ANO3: variants seen among roughly 807,000 people sequenced by gnomAD.
The protein encoded by ANO3 is anoctamin-3.
ANO3 carries 99 observed loss-of-function variants against 144.8 expected under a neutral mutation model. The observed-to-expected ratio is 0.68, with a 90% CI of 0.58 to 0.81. The LOEUF is 0.81. Ranked by LOEUF, ANO3 falls within the 30% of genes least tolerant of loss-of-function variation. ANO3 has a pLI of 0.00. For synonymous variants in ANO3, 414 were observed against 392.6 expected (o/e 1.05, Z -0.64); for missense variants, 905 against 1,202.2 (o/e 0.75, Z 3.66).
At chr11:26,331,914 G>A (rs929860682), upstream of ANO3, 5 of 309,562 alleles carry the variant, frequency 1.6e-5, no homozygotes, top group African/African-American at 6.5e-5. Context: ...GAGGGCATCA[G>A]TATCAGCTCT....
intron 6 of ANO3, 109 bp from the exon 7 acceptor site, chr11:26,525,526 A>G: frequency 1.3e-6 from 1 of 785,156 alleles, no homozygotes; most frequent in South Asian, 1.7e-5. Context: ...TTTCTTAAGC[A>G]TACGGAACTT....
In ANO3 at chr11:26,362,377, C is replaced by T. The variant is rs528054185; in HGVS notation, c.46+30056C>T. The stretch of plus-strand genomic sequence containing the variant: ...GAATTTTATGTAACTTAAGTAAGTT[C>T]GGATTGTTCTTTATGGACTCTAAAA... On this transcript the variant is annotated intron_variant, in intron 1 of 26. Transcript: ENST00000256737. Among the ~76,000 whole-genome samples, 6 of 152,192 alleles carry T rather than the reference C, an allele frequency of 3.9e-5. No individual in the cohort carries two copies. In the South Asian group the frequency reaches 6.2e-4, roughly 16 times the overall value.
chr11:26,235,769 C>T (rs1229720800), intron 1 of ANO3, among the ~76,000 whole-genome samples: 3 of 146,988 alleles, frequency 2.0e-5, no homozygotes, highest in African/African-American at 4.9e-5. Flanking sequence ...CATTTTGTGT[C>T]GTCCCCCCAC....
chr11:26,543,598 T>C (rs954982989), intron 11 of ANO3, among the ~76,000 whole-genome samples: 3 of 152,080 alleles, frequency 2.0e-5, no homozygotes, highest in Non-Finnish European at 4.4e-5. Flanking sequence ...CCTGATGCTA[T>C]CCCTCCTCCC....
At chr11:26,502,593 G>A (rs570646198) in intron 4 of ANO3, among the ~76,000 whole-genome samples, 1 of 152,164 alleles carries the variant, frequency 6.6e-6, no homozygotes, top group African/African-American at 2.4e-5. Flanking sequence ...AATTCACAAA[G>A]ATTATATAAC....
At chr11:26,335,167 T>C (rs544063283) in intron 1 of ANO3, among the ~76,000 whole-genome samples, 1 of 152,332 alleles carries the variant, frequency 6.6e-6, no homozygotes, top group African/African-American at 2.4e-5. Context: ...ATATTCTACT[T>C]ACAGGTTATG....
intron 3 of ANO3, among the ~76,000 whole-genome samples, chr11:26,455,935 C>G (rs1859138873): frequency 6.6e-6 from 1 of 151,804 alleles, no homozygotes. Flanking sequence ...CTACAACTAT[C>G]TGATCTTTGA....
chr11:26,553,458 C>A, intron 13 of ANO3, 113 bp downstream of exon 13: 1 of 597,488 alleles, frequency 1.7e-6, no homozygotes, highest in Non-Finnish European at 2.9e-6. Context: ...GAGTTTCAAC[C>A]TTAATAAGTG....
intron 1 of ANO3, among the ~76,000 whole-genome samples, chr11:26,202,465 T>C (rs1241076366): frequency 3.3e-5 from 5 of 151,312 alleles, no homozygotes; most frequent in African/African-American, 4.8e-5. Context: ...TTAAATCTTT[T>C]CTTTTTTTAA....
At chr11:26,207,404 G>A (rs1851822812) in intron 1 of ANO3, among the ~76,000 whole-genome samples, 1 of 152,094 alleles carries the variant, frequency 6.6e-6, no homozygotes, top group East Asian at 1.9e-4. Context: ...GCCTCATTAC[G>A]TGTTAAGATA....
chr11:26,513,071 A>G (rs1366926844), intron 5 of ANO3, among the ~76,000 whole-genome samples: 1 of 152,188 alleles, frequency 6.6e-6, no homozygotes, highest in African/African-American at 2.4e-5. Context: ...TATAGAAAAA[A>G]AAAGAGAGGG....
rs1853517797 is a variant in ANO3, at chr11:26,651,112, A to T, written c.2576+3256A>T. Among the ~76,000 whole-genome samples, 7 of 152,248 alleles carry T rather than the reference A, an allele frequency of 4.6e-5. 2 individuals are homozygous for T. In the South Asian group the frequency reaches 1.5e-3, roughly 32 times the overall value. On this transcript the variant is annotated intron_variant, in intron 24 of 26. Transcript: ENST00000256737. ...ATTAACAATTGTGAGTTTTTTCATG[A>T]TCTATAGTAAAAAATATGTCAATAT...
At chr11:26,434,063 T>A (rs542063798) in intron 1 of ANO3, among the ~76,000 whole-genome samples, 1 of 152,224 alleles carries the variant, frequency 6.6e-6, no homozygotes, top group African/African-American at 2.4e-5. Context: ...ATTGATTCAA[T>A]TTTGTAGTAT....
chr11:26,349,674 G>T (rs967240118), intron 1 of ANO3, among the ~76,000 whole-genome samples: 5 of 152,012 alleles, frequency 3.3e-5, no homozygotes, highest in Non-Finnish European at 7.4e-5. Flanking sequence ...TCAGCCTCCG[G>T]AGTAGCTGGG....
At chr11:26,636,189 GA>G (rs1456888834) in intron 20 of ANO3, among the ~76,000 whole-genome samples, 1 of 152,128 alleles carries the variant, frequency 6.6e-6, no homozygotes, top group Admixed American at 6.5e-5. Context: ...GAGAGACCAA[GA>G]CTCTGTCCCT....
At chr11:26,645,660 A>G (rs1853319889) in intron 23 of ANO3, among the ~76,000 whole-genome samples, 1 of 152,102 alleles carries the variant, frequency 6.6e-6, no homozygotes, top group African/African-American at 2.4e-5. Flanking sequence ...CATTATTTAA[A>G]CAATATAGAC....
chr11:26,253,445 T>C (rs1490384631), intron 1 of ANO3, among the ~76,000 whole-genome samples: 2 of 151,894 alleles, frequency 1.3e-5, no homozygotes, highest in African/African-American at 4.8e-5. Flanking sequence ...GAAAAATAAC[T>C]AATGGTTACT....
intron 1 of ANO3, among the ~76,000 whole-genome samples, chr11:26,277,424 C>T (rs1446782213): frequency 6.6e-6 from 1 of 152,062 alleles, no homozygotes; most frequent in Non-Finnish European, 1.5e-5. Flanking sequence ...ATATTGTCAT[C>T]TTACCTCCCT....
intron 1 of ANO3, among the ~76,000 whole-genome samples, chr11:26,247,288 C>CT (rs568432906): frequency 3.3e-5 from 5 of 152,154 alleles, no homozygotes; most frequent in African/African-American, 9.7e-5. Flanking sequence ...ACAGTACTAT[C>CT]TTTTTTTCCA....
Sources: allele counts gnomAD v4.1 joint callset (sites outside exome capture counted in the v4.1 genomes callset), GRCh38; gene constraint gnomAD v4.1.1; transcripts MANE v1.5; gene names NCBI Gene and HGNC (gene_info 2026-07-23, HGNC 2026-07-21).